The following TRIO variants were observed in gnomAD, a reference collection of about 807,000 sequenced individuals.
TRIO encodes trio Rho guanine nucleotide exchange factor, also known as triple functional domain protein.
In TRIO, 58 loss-of-function variants were observed where a neutral mutation model predicts 351.9. That is an observed-to-expected ratio of 0.16 (90% CI 0.13 to 0.21). The LOEUF (loss-of-function observed/expected upper bound fraction) is 0.21. Ranked by LOEUF, TRIO falls within the 10% of genes least tolerant of loss-of-function variation. The pLI is 1.00. For synonymous variants in TRIO, 1,758 were observed against 1,595.7 expected, an observed-to-expected ratio of 1.10 and a Z score of -2.42; for missense variants, 3,201 against 4,027.8, an observed-to-expected ratio of 0.79 and a Z score of 5.56.
chr5:14,366,726 G>T, intron 15 of TRIO, 134 bp from the exon 16 acceptor site: 1 of 1,313,182 alleles, frequency 7.6e-7, no homozygotes. Flanking sequence ...TGGATTTTAG[G>T]ATGATGAAGG....
chr5:14,206,559 C>T (rs936741735), intron 1 of TRIO, among the ~76,000 whole-genome samples: 1 of 152,220 alleles, frequency 6.6e-6, no homozygotes, highest in Non-Finnish European at 1.5e-5. Flanking sequence ...TCCCAGCAGC[C>T]TCTTTCTCAG....
chr5:14,299,229 T>C (rs1299016159), intron 7 of TRIO, among the ~76,000 whole-genome samples: 1 of 152,292 alleles, frequency 6.6e-6, no homozygotes, highest in East Asian at 1.9e-4. Flanking sequence ...CTGGATAAAA[T>C]GAATGAGTGT....
chr5:14,162,036 C>T (rs141371603), intron 1 of TRIO, among the ~76,000 whole-genome samples: 32 of 152,162 alleles, frequency 2.1e-4, no homozygotes, highest in Non-Finnish European at 3.4e-4. Flanking sequence ...GGAATTTAGA[C>T]GCACAGCTAG....
intron 34 of TRIO, among the ~76,000 whole-genome samples, chr5:14,442,292 G>A (rs921632904): frequency 6.6e-6 from 1 of 152,168 alleles, no homozygotes; most frequent in Non-Finnish European, 1.5e-5. Flanking sequence ...AGAGCCAAGG[G>A]GATTTGCTGA....
intron 34 of TRIO, among the ~76,000 whole-genome samples, chr5:14,427,010 A>G (rs570052138): frequency 6.6e-6 from 1 of 152,302 alleles, no homozygotes; most frequent in East Asian, 1.9e-4. Flanking sequence ...TCTTTAAATG[A>G]ATGAATGAAT....
chr5:14,250,529 G>A (rs903695827), intron 1 of TRIO, among the ~76,000 whole-genome samples: 2 of 152,226 alleles, frequency 1.3e-5, no homozygotes, highest in African/African-American at 2.4e-5. Context: ...GGGAGGAGAT[G>A]CTCTGTTGCC....
At chr5:14,321,255 G>T (rs1303047233) in intron 9 of TRIO, among the ~76,000 whole-genome samples, 1 of 152,218 alleles carries the variant, frequency 6.6e-6, no homozygotes. Context: ...GACAGAAGAG[G>T]CAGGACCCAT....
intron 34 of TRIO, among the ~76,000 whole-genome samples, chr5:14,424,768 C>T (rs1750499904): frequency 6.6e-6 from 1 of 152,124 alleles, no homozygotes; most frequent in Non-Finnish European, 1.5e-5. Flanking sequence ...TTTTCTAACT[C>T]AAGTTAAAAA....
chr5:14,393,433 A>G (rs1747286802), intron 27 of TRIO, among the ~76,000 whole-genome samples: 1 of 152,208 alleles, frequency 6.6e-6, no homozygotes, highest in Non-Finnish European at 1.5e-5. Flanking sequence ...AAGAGAAATC[A>G]TGCCTGAGAG....
chr5:14,502,442 TCTC>T, intron 53 of TRIO, 134 bp from the exon 54 acceptor site: 1 of 698,142 alleles, frequency 1.4e-6, no homozygotes, highest in Non-Finnish European at 2.5e-6. Context: ...AGCCACCACA[TCTC>T]CACTCGCATG....
chr5:14,343,255 T>C (rs1742110574), intron 11 of TRIO, among the ~76,000 whole-genome samples: 1 of 152,234 alleles, frequency 6.6e-6, no homozygotes, highest in Non-Finnish European at 1.5e-5. Flanking sequence ...GGTTTAGATG[T>C]GTATGTGTGC....
intron 4 of TRIO, among the ~76,000 whole-genome samples, chr5:14,289,933 A>G (rs1439488109): frequency 6.6e-6 from 1 of 152,260 alleles, no homozygotes. Flanking sequence ...ATTGCAATGT[A>G]GTACAGATTA....
rs1754861165 is a variant in TRIO, at chr5:14,473,935, C to T, written c.5980-59C>T. 5.3e-6 allele frequency: 8 copies of T among 1,505,036 alleles called. No homozygotes were observed. In the Middle Eastern group the frequency reaches 5.4e-4, roughly 102 times the overall value. 93.2% of individuals were successfully genotyped at this position (1,505,036 alleles called of 1,614,324 possible). A position where few individuals can be genotyped will look rare whatever the true frequency, so the allele number is the denominator to read the frequency against. On this transcript the variant is annotated intron_variant, in intron 39 of 56. Transcript: ENST00000344204. Reference sequence around the variant, plus strand: ...CCCTCTGTGACTATTAATCAATAAGCCACTAGTTGATTCAGACATATTCCA... The same window carrying T: ...CCCTCTGTGACTATTAATCAATAAGTCACTAGTTGATTCAGACATATTCCA...
intron 11 of TRIO, among the ~76,000 whole-genome samples, chr5:14,343,089 CA>C (rs34378604): frequency 0.058 from 7,802 of 135,370 alleles, 507 homozygotes; most frequent in African/African-American, 0.18. Flanking sequence ...CAGAAAGTTG[CA>C]AAAAAAAAAA....
intron 9 of TRIO, among the ~76,000 whole-genome samples, chr5:14,321,503 G>A (rs934789876): frequency 6.6e-6 from 1 of 152,242 alleles, no homozygotes; most frequent in African/African-American, 2.4e-5. Context: ...TGCCATGTAT[G>A]TGTCTTTCCT....
intron 8 of TRIO, among the ~76,000 whole-genome samples, chr5:14,315,720 T>C (rs1044481813): frequency 6.6e-6 from 1 of 152,194 alleles, no homozygotes; most frequent in African/African-American, 2.4e-5. Flanking sequence ...CCCAATAACA[T>C]CTGGCGTAAT....
chr5:14,307,532 A>C lies in TRIO; in HGVS notation c.1500+2940A>C, dbSNP rs112497309. On this transcript the variant is annotated intron_variant, in intron 8 of 56. Transcript: ENST00000344204. ...CTGACTCAGGCTGTGCCTTTTTGGC[A>C]GTGCATGTCCTTCTCTGGGTGTCAT... 4.7e-4 allele frequency among the ~76,000 whole-genome samples: 72 copies of C among 152,286 alleles called. 1 individual carries two copies. Among genetic ancestry groups the C allele is most frequent in the African/African-American group, 1.7e-3 (69 of 41,554 alleles).
chr5:14,343,231 T>C (rs1354999445), intron 11 of TRIO, among the ~76,000 whole-genome samples: 1 of 152,212 alleles, frequency 6.6e-6, no homozygotes, highest in East Asian at 1.9e-4. Flanking sequence ...TCAAGGCTTA[T>C]TCACTTTCCG....
chr5:14,353,099 A>G (rs1388768173), intron 11 of TRIO, among the ~76,000 whole-genome samples: 2 of 152,126 alleles, frequency 1.3e-5, no homozygotes, highest in East Asian at 3.8e-4. Flanking sequence ...TATTTTGAAC[A>G]ATTGGTAGGA....
Sources: gnomAD v4.1 joint callset for allele counts (sites outside exome capture counted in the v4.1 genomes callset) on GRCh38, gnomAD v4.1.1 for gene constraint, MANE v1.5 for transcripts, NCBI Gene and HGNC (gene_info 2026-07-23, HGNC 2026-07-21) for gene names.